ADK: variants seen among roughly 807,000 people sequenced by gnomAD.
ADK encodes the protein adenosine kinase.
In ADK, 24 loss-of-function variants were observed where a neutral mutation model predicts 44.7. The ratio of observed to expected loss-of-function variants is 0.54; its 90% CI spans 0.39 to 0.76. ADK has a LOEUF of 0.76. Ranked by LOEUF, ADK falls within the 30% of genes least tolerant of loss-of-function variation. ADK has a pLI of 0.00. For missense variants in ADK, 321 were observed against 425.1 expected (o/e 0.76, Z 2.15); for synonymous variants, 128 against 142.6 (o/e 0.90, Z 0.73).
At chr10:74,239,181 T>C (rs1845096287) in intron 3 of ADK, among the ~76,000 whole-genome samples, 1 of 152,102 alleles carries the variant, frequency 6.6e-6, no homozygotes, top group African/African-American at 2.4e-5. Context: ...TTTTTTTTTC[T>C]TTTTGCTTTA....
At chr10:74,425,583 G>A (rs1327998434) in intron 6 of ADK, among the ~76,000 whole-genome samples, 3 of 151,888 alleles carry the variant, frequency 2.0e-5, no homozygotes, top group African/African-American at 7.3e-5. Context: ...CACGATACCA[G>A]CCTGAAGTCA....
chr10:74,494,247 C>T (rs1325420173), intron 6 of ADK, among the ~76,000 whole-genome samples: 1 of 152,052 alleles, frequency 6.6e-6, no homozygotes, highest in Non-Finnish European at 1.5e-5. Flanking sequence ...TTTTAATCAC[C>T]TCACCTATCC....
intron 4 of ADK, among the ~76,000 whole-genome samples, chr10:74,356,511 G>C (rs1368690754): frequency 6.6e-6 from 1 of 151,906 alleles, no homozygotes; most frequent in Non-Finnish European, 1.5e-5. Context: ...AGATATTATT[G>C]GATTATTTTA....
At chr10:74,527,222 G>T (rs1849081632) in intron 7 of ADK, among the ~76,000 whole-genome samples, 1 of 152,136 alleles carries the variant, frequency 6.6e-6, no homozygotes, top group African/African-American at 2.4e-5. Context: ...TGAGCCAGGC[G>T]TGGTGGCGAG....
At chr10:74,627,275 A>G (rs1589310880) in intron 9 of ADK, among the ~76,000 whole-genome samples, 1 of 152,160 alleles carries the variant, frequency 6.6e-6, no homozygotes, top group Non-Finnish European at 1.5e-5. Flanking sequence ...CAGGAGTTCA[A>G]GACCAGCCTG....
chr10:74,682,536 T>G (rs1463874856), intron 10 of ADK, among the ~76,000 whole-genome samples: 3 of 151,950 alleles, frequency 2.0e-5, no homozygotes, highest in Non-Finnish European at 4.4e-5. Context: ...TAACACCATC[T>G]GACACCAATT....
At chr10:74,484,881 C>G (rs370820806) in intron 6 of ADK, among the ~76,000 whole-genome samples, 14 of 151,844 alleles carry the variant, frequency 9.2e-5, no homozygotes, top group African/African-American at 3.4e-4. Flanking sequence ...ATACTATACA[C>G]AAAAATCAAT....
At chr10:74,390,436 G>A (rs1843293303) in intron 4 of ADK, among the ~76,000 whole-genome samples, 1 of 152,088 alleles carries the variant, frequency 6.6e-6, no homozygotes, top group South Asian at 2.1e-4. Flanking sequence ...CTAACTTACA[G>A]AATAGTAAAA....
At chr10:74,246,615 G>A (rs2132320348) in intron 3 of ADK, among the ~76,000 whole-genome samples, 1 of 152,316 alleles carries the variant, frequency 6.6e-6, no homozygotes, top group African/African-American at 2.4e-5. Flanking sequence ...TCATTATCAT[G>A]TGCATTGAAT....
chr10:74,547,181 A>G (rs1379569596), intron 7 of ADK, among the ~76,000 whole-genome samples: 2 of 152,174 alleles, frequency 1.3e-5, no homozygotes, highest in East Asian at 1.9e-4. Flanking sequence ...CTCTCTAAAT[A>G]TATGTGCTTA....
intron 9 of ADK, among the ~76,000 whole-genome samples, chr10:74,631,420 T>G (rs1184956648): frequency 6.6e-6 from 1 of 150,732 alleles, no homozygotes; most frequent in African/African-American, 2.4e-5. Flanking sequence ...AATTTTTTGT[T>G]TTGTTTTTTT....
intron 7 of ADK, among the ~76,000 whole-genome samples, chr10:74,578,946 T>A: frequency 6.6e-6 from 1 of 152,168 alleles, no homozygotes; most frequent in South Asian, 2.1e-4. Flanking sequence ...TTTTTACATG[T>A]ACATGTTTGG....
At chr10:74,435,401 A>G (rs1845148405) in intron 6 of ADK, among the ~76,000 whole-genome samples, 1 of 152,174 alleles carries the variant, frequency 6.6e-6, no homozygotes, top group Admixed American at 6.5e-5. Context: ...GAGACACAAA[A>G]AATGTTGTGT....
chr10:74,345,475 T>C (rs1396150222), intron 4 of ADK, among the ~76,000 whole-genome samples: 1 of 152,164 alleles, frequency 6.6e-6, no homozygotes, highest in Non-Finnish European at 1.5e-5. Context: ...GCTTGGCTAA[T>C]TTTTAAATTT....
intron 9 of ADK, among the ~76,000 whole-genome samples, chr10:74,617,123 A>G (rs1852795668): frequency 6.6e-6 from 1 of 152,230 alleles, no homozygotes; most frequent in South Asian, 2.1e-4. Flanking sequence ...GTGAATAAAA[A>G]TAATTTGCAT....
intron 9 of ADK, among the ~76,000 whole-genome samples, chr10:74,623,838 G>C (rs1250804593): frequency 6.6e-6 from 1 of 151,770 alleles, no homozygotes; most frequent in African/African-American, 2.4e-5. Flanking sequence ...AATACAAATA[G>C]ATATTTAATT....
At chr10:74,511,489 G>T (rs1271009684) in intron 6 of ADK, among the ~76,000 whole-genome samples, 4 of 152,058 alleles carry the variant, frequency 2.6e-5, no homozygotes, top group Admixed American at 6.6e-5. Flanking sequence ...TCAGTGTTTT[G>T]TAATCTTCCT....
chr10:74,232,424 A>G (rs1416217141), intron 3 of ADK, among the ~76,000 whole-genome samples: 1 of 151,310 alleles, frequency 6.6e-6, no homozygotes, highest in Non-Finnish European at 1.5e-5. Flanking sequence ...CAGGAGGCTG[A>G]GGTGAGAGGA....
At chr10:74,458,936 CTACCT>C (rs1342389765) in intron 6 of ADK, among the ~76,000 whole-genome samples, 1 of 152,058 alleles carries the variant, frequency 6.6e-6, no homozygotes, top group Admixed American at 6.6e-5. Flanking sequence ...CATATATACT[CTACCT>C]TAACATATGG....
Sources: gnomAD v4.1 joint callset for allele counts (sites outside exome capture counted in the v4.1 genomes callset) on GRCh38, gnomAD v4.1.1 for gene constraint, MANE v1.5 for transcripts, NCBI Gene and HGNC (gene_info 2026-07-23, HGNC 2026-07-21) for gene names.